The following ADGRG2 variants were observed in gnomAD, a reference collection of about 807,000 sequenced individuals.
ADGRG2 encodes the protein adhesion G protein-coupled receptor G2.
ADGRG2 carries 26 observed loss-of-function variants against 74.1 expected under a neutral mutation model. The observed-to-expected ratio is 0.35, with a 90% CI of 0.26 to 0.49. The LOEUF (loss-of-function observed/expected upper bound fraction) is 0.49. ADGRG2 is among the 20% of genes least tolerant of loss of function. The pLI, the probability that ADGRG2 is intolerant of heterozygous loss-of-function variation, is 0.99. For missense variants in ADGRG2, 619 were observed against 763.1 expected, an observed-to-expected ratio of 0.81 and a Z score of 2.22; for synonymous variants, 296 against 295.2, an observed-to-expected ratio of 1.00 and a Z score of -0.03.
At chrX:19,111,989 C>T (rs1326589252) in intron 1 of ADGRG2, among the ~76,000 whole-genome samples, 4 of 109,883 alleles carry the variant, frequency 3.6e-5, no homozygotes, top group African/African-American at 1.3e-4. Flanking sequence ...ATACTAGAGT[C>T]GAAAATTATT....
chrX:19,082,318 C>A (rs1016424374), intron 2 of ADGRG2, among the ~76,000 whole-genome samples: 1 of 110,511 alleles, frequency 9.0e-6, no homozygotes, highest in Non-Finnish European at 1.9e-5. Context: ...AAGGGACACA[C>A]GTCCAGGGAG....
In ADGRG2 at chrX:19,021,381, T is replaced by C. The variant is rs1569382937; in HGVS notation, c.549-183A>G. 11 of 482,668 alleles carry C rather than the reference T, an allele frequency of 2.3e-5. No individual in the cohort carries two copies. In the East Asian group the frequency reaches 4.0e-4, roughly 17 times the overall value. The allele number at this position is 482,668 out of a possible 1,213,427, so 39.8% of individuals were successfully genotyped here. A position where few individuals can be genotyped will look rare whatever the true frequency, so the allele number is the denominator to read the frequency against. On this transcript the variant is annotated intron_variant, in intron 13 of 28. Transcript: ENST00000379869. ...GTCTGAATTTTACCCAAAAAGACTTTATATTAAGAGACATTTATGGAGGTT... is the reference window on the plus strand; with the variant it reads ...GTCTGAATTTTACCCAAAAAGACTTCATATTAAGAGACATTTATGGAGGTT...
chrX:19,112,354 T>C (rs1328190614), intron 1 of ADGRG2, among the ~76,000 whole-genome samples: 1 of 111,002 alleles, frequency 9.0e-6, no homozygotes, highest in Non-Finnish European at 1.9e-5. Context: ...ATTACAGGCG[T>C]GAGCCACCAC....
At chrX:18,992,028 G>T (rs750768465) in intron 28 of ADGRG2, among the ~76,000 whole-genome samples, 4 of 111,738 alleles carry the variant, frequency 3.6e-5, no homozygotes, top group South Asian at 7.5e-4. Context: ...GTGTGATGTT[G>T]CTTCCAAACT....
intron 1 of ADGRG2, among the ~76,000 whole-genome samples, chrX:19,120,888 T>C (rs1041123058): frequency 2.7e-5 from 3 of 112,297 alleles, no homozygotes; most frequent in Non-Finnish European, 5.6e-5. Context: ...TTTGACATAT[T>C]TTGAAATAGT....
intron 4 of ADGRG2, 76 bp downstream of exon 4, chrX:19,040,113 A>C: frequency 1.5e-6 from 1 of 676,708 alleles, no homozygotes; most frequent in Non-Finnish European, 2.4e-6. Context: ...GTACCTGACT[A>C]CATGCCATGT....
chrX:19,117,763 G>A (rs965238363), intron 1 of ADGRG2, among the ~76,000 whole-genome samples: 1 of 111,034 alleles, frequency 9.0e-6, no homozygotes, highest in Admixed American at 9.7e-5. Context: ...GTTGCAGTGA[G>A]CCGAGATTAC....
At position 19,070,392 on chromosome X, in the gene ADGRG2, G is replaced by C. The variant is rs186248123; in HGVS notation, c.-1-1557C>G. On this transcript the variant is annotated intron_variant, in intron 2 of 28. Coordinates refer to ENST00000379869, the MANE Select transcript of ADGRG2 (RefSeq NM_001079858.3). ...TGAATAGGAGTGAACTAGATGAAAT[G>C]CACGTGCTGGAGGTGGGGCAGGGGC... Among the ~76,000 whole-genome samples the C allele has an allele frequency of 6.3e-5, 7 of 111,952 alleles. No homozygotes were observed. The East Asian group carries it at 2.0e-3, about 31-fold the overall frequency.
At chrX:19,035,743 C>G (rs1210449268) in intron 7 of ADGRG2, 199 bp downstream of exon 7, 1 of 323,726 alleles carries the variant, frequency 3.1e-6, no homozygotes, top group African/African-American at 2.7e-5. Flanking sequence ...CTATGGCCAT[C>G]CTTTGGAAGT....
chrX:19,053,590 TCAG>T (rs1203565539), intron 3 of ADGRG2, among the ~76,000 whole-genome samples: 5 of 111,817 alleles, frequency 4.5e-5, no homozygotes, highest in Non-Finnish European at 9.4e-5. Flanking sequence ...CATCTGCACT[TCAG>T]TTTCCCAGGT....
chrX:19,039,423 C>G (rs990959808), intron 4 of ADGRG2: 3 of 287,402 alleles, frequency 1.0e-5, no homozygotes, highest in African/African-American at 8.2e-5. Context: ...ACAGTAGAAG[C>G]TCATTTGCAC....
chrX:19,031,298 C>A (rs1039519167), intron 8 of ADGRG2: 10 of 345,214 alleles, frequency 2.9e-5, no homozygotes, highest in Admixed American at 5.0e-5. Flanking sequence ...AAATTTTTGA[C>A]CCCTTCCCAA....
intron 1 of ADGRG2, among the ~76,000 whole-genome samples, chrX:19,092,269 G>A (rs1222922586): frequency 4.5e-5 from 5 of 111,938 alleles, no homozygotes; most frequent in Non-Finnish European, 9.4e-5. Flanking sequence ...AATTTCTACA[G>A]AGTTAACAAC....
intron 3 of ADGRG2, among the ~76,000 whole-genome samples, chrX:19,064,464 G>A (rs1285924540): frequency 1.8e-5 from 2 of 111,925 alleles, no homozygotes; most frequent in Non-Finnish European, 3.8e-5. Flanking sequence ...AATCATTATC[G>A]CACAATTGAT....
At chrX:19,060,104 C>G (rs1245052240) in intron 3 of ADGRG2, among the ~76,000 whole-genome samples, 1 of 111,612 alleles carries the variant, frequency 9.0e-6, no homozygotes, top group East Asian at 2.8e-4. Flanking sequence ...TGCACTCCAG[C>G]CTGGACAACA....
intron 3 of ADGRG2, among the ~76,000 whole-genome samples, chrX:19,045,299 T>TATC (rs2061158963): frequency 9.8e-6 from 1 of 102,010 alleles, no homozygotes; most frequent in Admixed American, 1.1e-4. Context: ...GTGTTGTTAT[T>TATC]ATTATTATTA....
intron 3 of ADGRG2, among the ~76,000 whole-genome samples, chrX:19,041,873 G>A (rs766129338): frequency 1.8e-5 from 2 of 111,709 alleles, no homozygotes; most frequent in Non-Finnish European, 3.8e-5. Context: ...CAGTGGTGCG[G>A]TTGTGGCTCA....
chrX:19,086,657 G>A (rs149605191), intron 1 of ADGRG2, among the ~76,000 whole-genome samples: 99 of 110,970 alleles, frequency 8.9e-4, no homozygotes, highest in African/African-American at 3.2e-3. Context: ...ACATCCTAGG[G>A]ATAATCTGCA....
At position 19,051,899 on chromosome X, in the gene ADGRG2, T is replaced by C. The variant is rs188840172; in HGVS notation, c.119-11675A>G. ...AGGAATGAGCCCTCCTGCTGAGCTC[T>C]GCCCAAATTACAGATCTGTGAGCAA... On this transcript the variant is annotated intron_variant, in intron 3 of 28. Transcript: ENST00000379869. Among the ~76,000 whole-genome samples, 26 of 112,160 alleles carry C rather than the reference T, an allele frequency of 2.3e-4. 1 individual carries two copies. The East Asian group carries it at 7.0e-3, about 30-fold the overall frequency.
Sources: gnomAD v4.1 joint callset for allele counts (sites outside exome capture counted in the v4.1 genomes callset) on GRCh38, gnomAD v4.1.1 for gene constraint, MANE v1.5 for transcripts, NCBI Gene and HGNC (gene_info 2026-07-23, HGNC 2026-07-21) for gene names.